The following CDH18 variants were observed in gnomAD, a reference collection of about 807,000 sequenced individuals.
CDH18 encodes the protein cadherin-18.
Under a neutral mutation model 67.9 loss-of-function variants are expected in CDH18, and 31 were observed. That is an observed-to-expected ratio of 0.46 (90% CI 0.34 to 0.62). CDH18 has a LOEUF of 0.62. Among genes scored for constraint, CDH18 ranks in the 20% least tolerant of loss-of-function variants. CDH18 has a pLI of 0.01. For synonymous variants in CDH18, 362 were observed against 347.2 expected, an observed-to-expected ratio of 1.04 and a Z score of -0.48; for missense variants, 890 against 975.5, an observed-to-expected ratio of 0.91 and a Z score of 1.17.
At chr5:20,099,650 C>T (rs1173902208) in intron 2 of CDH18, among the ~76,000 whole-genome samples, 4 of 152,014 alleles carry the variant, frequency 2.6e-5, no homozygotes, top group African/African-American at 9.7e-5. Flanking sequence ...TAATTTTTAA[C>T]TGAAAGAATA....
intron 1 of CDH18, among the ~76,000 whole-genome samples, chr5:20,392,498 A>T (rs1346958727): frequency 6.6e-6 from 1 of 151,892 alleles, no homozygotes. Context: ...TATAATTTCT[A>T]GCTAAAATTT....
chr5:20,195,804 A>G (rs888029480), intron 2 of CDH18, among the ~76,000 whole-genome samples: 14 of 152,254 alleles, frequency 9.2e-5, no homozygotes, highest in African/African-American at 3.4e-4. Flanking sequence ...GCATCCTTAG[A>G]TATTTAATTT....
chr5:20,122,236 A>C (rs547485848), intron 2 of CDH18, among the ~76,000 whole-genome samples: 8 of 152,158 alleles, frequency 5.3e-5, no homozygotes, highest in African/African-American at 1.9e-4. Flanking sequence ...TCACACCTAC[A>C]CTCTGCTGGT....
chr5:20,000,224 A>C (rs1333320392), intron 2 of CDH18, among the ~76,000 whole-genome samples: 1 of 152,370 alleles, frequency 6.6e-6, no homozygotes, highest in Non-Finnish European at 1.5e-5. Context: ...GATTTTTAAT[A>C]GATTACTAAA....
At chr5:20,196,546 A>G (rs529258886) in intron 2 of CDH18, among the ~76,000 whole-genome samples, 1 of 152,336 alleles carries the variant, frequency 6.6e-6, no homozygotes, top group Admixed American at 6.5e-5. Context: ...TTTTCAGCTC[A>G]GAGAAAAATA....
chr5:19,561,621 C>T (rs939257608), intron 8 of CDH18, among the ~76,000 whole-genome samples: 1 of 152,040 alleles, frequency 6.6e-6, no homozygotes, highest in Non-Finnish European at 1.5e-5. Flanking sequence ...ATTCATGTAA[C>T]CAAACATCAC....
chr5:20,139,535 A>G (rs548889687), intron 2 of CDH18, among the ~76,000 whole-genome samples: 1 of 152,202 alleles, frequency 6.6e-6, no homozygotes, highest in African/African-American at 2.4e-5. Context: ...CAGGTAACCT[A>G]CAGAATGGGA....
At chr5:20,342,827 G>T (rs1740384500) in intron 1 of CDH18, among the ~76,000 whole-genome samples, 1 of 152,180 alleles carries the variant, frequency 6.6e-6, no homozygotes, top group African/African-American at 2.4e-5. Flanking sequence ...AGCTGGAAAT[G>T]CTTGACCTCC....
rs948440498 is a variant in CDH18 at position 20,389,435 on chromosome 5, C to G, written c.-579-133930G>C. ...TCTTCCTCCATCCCTTTATTTTGAGCCTATGTGTGTCTCTGCACGTGAGAT... is the reference window on the plus strand; with the variant it reads ...TCTTCCTCCATCCCTTTATTTTGAGGCTATGTGTGTCTCTGCACGTGAGAT... On this transcript the variant is annotated intron_variant, in intron 1 of 14. Transcript: ENST00000507958. Among the ~76,000 whole-genome samples, 10 of 151,932 alleles carry G rather than the reference C, an allele frequency of 6.6e-5. 1 individual carries two copies. Among genetic ancestry groups the G allele is most frequent in the Admixed American group, 5.9e-4 (9 of 15,236 alleles).
At chr5:20,545,515 C>A (rs545770081) in intron 1 of CDH18, among the ~76,000 whole-genome samples, 1 of 152,330 alleles carries the variant, frequency 6.6e-6, no homozygotes, top group South Asian at 2.1e-4. Context: ...TCTCTGCACA[C>A]CTACAAGCCC....
chr5:20,037,343 T>C (rs1561736852), intron 2 of CDH18, among the ~76,000 whole-genome samples: 1 of 151,986 alleles, frequency 6.6e-6, no homozygotes, highest in Non-Finnish European at 1.5e-5. Flanking sequence ...TTGCCAGCTC[T>C]GGACAAAGTG....
chr5:19,538,909 C>T (rs764578576), intron 9 of CDH18, among the ~76,000 whole-genome samples: 28 of 152,080 alleles, frequency 1.8e-4, no homozygotes, highest in Non-Finnish European at 3.1e-4. Context: ...TCTTCAGAAA[C>T]GGTACATTAA....
intron 2 of CDH18, among the ~76,000 whole-genome samples, chr5:19,895,182 A>G (rs1458422393): frequency 6.6e-6 from 1 of 152,164 alleles, no homozygotes; most frequent in African/African-American, 2.4e-5. Context: ...AGTGTCAATC[A>G]GGGAACAGAA....
At chr5:19,550,594 C>A (rs922047884) in intron 8 of CDH18, among the ~76,000 whole-genome samples, 13 of 152,160 alleles carry the variant, frequency 8.5e-5, no homozygotes, top group African/African-American at 3.1e-4. Context: ...GACATGAATT[C>A]ATCATTTTTT....
intron 9 of CDH18, among the ~76,000 whole-genome samples, chr5:19,524,063 GAT>G (rs1747353439): frequency 6.6e-6 from 1 of 151,794 alleles, no homozygotes; most frequent in Non-Finnish European, 1.5e-5. Flanking sequence ...AAACTAATAA[GAT>G]AATGTTTAGG....
intron 2 of CDH18, among the ~76,000 whole-genome samples, chr5:19,951,925 A>T (rs1795829482): frequency 6.6e-6 from 1 of 152,128 alleles, no homozygotes; most frequent in Non-Finnish European, 1.5e-5. Context: ...CTAATTCTCA[A>T]CTCACTTATC....
chr5:19,505,462 G>T (rs200832513), intron 10 of CDH18, among the ~76,000 whole-genome samples: 1 of 152,048 alleles, frequency 6.6e-6, no homozygotes, highest in African/African-American at 2.4e-5. Context: ...GTTTGTCATA[G>T]ATAGCTCTTA....
chr5:20,207,334 A>G (rs1293994870), intron 2 of CDH18, among the ~76,000 whole-genome samples: 1 of 152,076 alleles, frequency 6.6e-6, no homozygotes, highest in East Asian at 1.9e-4. Flanking sequence ...GAAATTGAAA[A>G]GAACATTAAA....
intron 12 of CDH18, 65 bp from the exon 13 acceptor site, chr5:19,473,781 CA>C: frequency 7.5e-7 from 1 of 1,340,612 alleles, no homozygotes; most frequent in Non-Finnish European, 1.0e-6. Context: ...AGAGATTTTA[CA>C]ACAGCAATTT....
Sources: gnomAD v4.1 joint callset for allele counts (sites outside exome capture counted in the v4.1 genomes callset) on GRCh38, gnomAD v4.1.1 for gene constraint, MANE v1.5 for transcripts, NCBI Gene and HGNC (gene_info 2026-07-23, HGNC 2026-07-21) for gene names.